The following RPSA2 variants were observed in gnomAD, a reference collection of about 807,000 sequenced individuals.
RPSA2 encodes ribosomal protein SA 2, also known as small ribosomal subunit protein uS2B.
chr19:23,858,581 C>G, the RPSA2 span, among the ~76,000 whole-genome samples: 2 of 152,150 alleles, frequency 1.3e-5, no homozygotes, highest in Admixed American at 6.5e-5. Flanking sequence ...AAGCAACACA[C>G]AAATTATTTC....
At chr19:23,822,274 G>A in the RPSA2 span, among the ~76,000 whole-genome samples, 1 of 152,184 alleles carries the variant, frequency 6.6e-6, no homozygotes, top group African/African-American at 2.4e-5. Context: ...TCCCAGTTGG[G>A]ATCTGTTTCT....
chr19:23,824,323 C>G, the RPSA2 span, among the ~76,000 whole-genome samples: 1 of 152,188 alleles, frequency 6.6e-6, no homozygotes, highest in Non-Finnish European at 1.5e-5. Context: ...ACGTCTTACT[C>G]AAGCTCGTCT....
chr19:23,853,569 C>G, the RPSA2 span, among the ~76,000 whole-genome samples: 1 of 152,216 alleles, frequency 6.6e-6, no homozygotes, highest in African/African-American at 2.4e-5. Context: ...TAACGTAAAC[C>G]ATCCCTGTCT....
chr19:23,794,912 C>T, the RPSA2 span, among the ~76,000 whole-genome samples: 3 of 152,188 alleles, frequency 2.0e-5, no homozygotes, highest in African/African-American at 7.2e-5. Context: ...GCTAGTTATT[C>T]CACCACCATT....
the RPSA2 span, among the ~76,000 whole-genome samples, chr19:23,856,157 G>T: frequency 6.6e-6 from 1 of 152,100 alleles, no homozygotes; most frequent in East Asian, 1.9e-4. Flanking sequence ...AGGGTTGCCA[G>T]ATTCAGAAAA....
At chr19:23,822,876 C>T in the RPSA2 span, among the ~76,000 whole-genome samples, 1 of 152,184 alleles carries the variant, frequency 6.6e-6, no homozygotes, top group Non-Finnish European at 1.5e-5. Flanking sequence ...TGTGGCTTTC[C>T]CTTTGTCTCT....
chr19:23,827,769 T>G, the RPSA2 span: 2 of 1,586,306 alleles, frequency 1.3e-6, no homozygotes, highest in Non-Finnish European at 1.7e-6. Context: ...GATCTGTACT[T>G]CTACAGAGAT....
the RPSA2 span, among the ~76,000 whole-genome samples, chr19:23,804,463 A>ATT: frequency 9.4e-4 from 142 of 150,840 alleles, 2 homozygotes; most frequent in African/African-American, 3.4e-3. Context: ...CACCCGGCTA[A>ATT]TTTTTGTATT....
chr19:23,782,744 T>C, the RPSA2 span, among the ~76,000 whole-genome samples: 1 of 152,166 alleles, frequency 6.6e-6, no homozygotes, highest in Non-Finnish European at 1.5e-5. Flanking sequence ...TCCTGTGTGA[T>C]GTGACTCCTC....
At chr19:23,780,470 C>T in the RPSA2 span, among the ~76,000 whole-genome samples, 1 of 152,024 alleles carries the variant, frequency 6.6e-6, no homozygotes, top group African/African-American at 2.4e-5. Flanking sequence ...GGTGAAACCC[C>T]ATCTGTACTA....
chr19:23,789,905 T>A, the RPSA2 span, among the ~76,000 whole-genome samples: 3 of 152,108 alleles, frequency 2.0e-5, no homozygotes, highest in Non-Finnish European at 2.9e-5. Context: ...CTAGAACTCC[T>A]GACCTCAGGT....
chr19:23,844,326 T>C, the RPSA2 span, among the ~76,000 whole-genome samples: 1 of 152,324 alleles, frequency 6.6e-6, no homozygotes, highest in East Asian at 1.9e-4. Context: ...TGGTTTGCTA[T>C]TGTGAGCATG....
the RPSA2 span, among the ~76,000 whole-genome samples, chr19:23,761,428 G>T: frequency 6.6e-6 from 1 of 152,224 alleles, no homozygotes; most frequent in East Asian, 1.9e-4. Flanking sequence ...AGCTATGGTT[G>T]TGCCACTGCA....
chr19:23,801,986 T>C, the RPSA2 span, among the ~76,000 whole-genome samples: 1 of 152,244 alleles, frequency 6.6e-6, no homozygotes, highest in Non-Finnish European at 1.5e-5. Flanking sequence ...TGCAAAGTGA[T>C]GTTGATTTTA....
chr19:23,848,473 A>G, the RPSA2 span, among the ~76,000 whole-genome samples: 1 of 137,012 alleles, frequency 7.3e-6, no homozygotes, highest in Non-Finnish European at 1.6e-5. Context: ...GGTTTAGTCC[A>G]GAAAGACTTT....
At chr19:23,799,248 G>T in the RPSA2 span, 5 of 152,090 alleles carry the variant, frequency 3.3e-5, no homozygotes, top group East Asian at 9.7e-4. Context: ...TTTTTCTGTA[G>T]AATGCTTTGT....
chr19:23,806,203 C>G, the RPSA2 span, among the ~76,000 whole-genome samples: 2 of 151,952 alleles, frequency 1.3e-5, no homozygotes, highest in Non-Finnish European at 2.9e-5. Context: ...CATCATCACA[C>G]TCAGCTAATT....
At chr19:23,833,065 G>T in the RPSA2 span, 2 of 1,327,132 alleles carry the variant, frequency 1.5e-6, no homozygotes, top group East Asian at 7.6e-5. Flanking sequence ...CAAGTGTGAA[G>T]AATGTGGCAA....
chr19:23,838,894 G>A, the RPSA2 span, among the ~76,000 whole-genome samples: 1 of 152,002 alleles, frequency 6.6e-6, no homozygotes, highest in South Asian at 2.1e-4. Context: ...CTGAGAAGCA[G>A]CTCTTTGTTT....
Sources: gnomAD v4.1 joint callset for allele counts (sites outside exome capture counted in the v4.1 genomes callset) on GRCh38, gnomAD v4.1.1 for gene constraint, MANE v1.5 for transcripts, NCBI Gene and HGNC (gene_info 2026-07-23, HGNC 2026-07-21) for gene names.